Variants in ZMIZ1 observed in about 807,000 individuals in gnomAD.
ZMIZ1 encodes the protein zinc finger MIZ-type containing 1, also known as zinc finger MIZ domain-containing protein 1.
A neutral mutation model predicts 113.9 loss-of-function variants in ZMIZ1; 17 were observed. That is an observed-to-expected ratio of 0.15 (90% CI 0.10 to 0.22). The LOEUF is 0.22. ZMIZ1 is among the 10% of genes least tolerant of loss of function. ZMIZ1 has a pLI of 1.00. For missense variants in ZMIZ1, 1,059 were observed against 1,477.8 expected (o/e 0.72, Z 4.65); for synonymous variants, 607 against 603.1 (o/e 1.01, Z -0.09).
At chr10:79,126,498 C>A (rs1344775018) in intron 2 of ZMIZ1, among the ~76,000 whole-genome samples, 4 of 152,100 alleles carry the variant, frequency 2.6e-5, no homozygotes, top group Non-Finnish European at 5.9e-5. Flanking sequence ...AGACTGTGAA[C>A]CAAACTGAAA....
intron 3 of ZMIZ1, among the ~76,000 whole-genome samples, chr10:79,144,865 C>T (rs1265292954): frequency 1.3e-5 from 2 of 151,776 alleles, no homozygotes; most frequent in Admixed American, 6.6e-5. Context: ...GCTTGCTTTC[C>T]GTCTGCCTCT....
chr10:79,258,059 G>A (rs1368551075), intron 7 of ZMIZ1, among the ~76,000 whole-genome samples: 1 of 152,206 alleles, frequency 6.6e-6, no homozygotes, highest in Non-Finnish European at 1.5e-5. Context: ...GTATCCCCAT[G>A]TGCTAATTGG....
chr10:79,149,815 C>T (rs1845640211), intron 3 of ZMIZ1, among the ~76,000 whole-genome samples: 1 of 152,260 alleles, frequency 6.6e-6, no homozygotes, highest in Admixed American at 6.5e-5. Flanking sequence ...ACACTGCTGT[C>T]TGCTGACTTG....
intron 7 of ZMIZ1, among the ~76,000 whole-genome samples, chr10:79,232,595 A>G (rs1411069906): frequency 1.3e-5 from 2 of 152,084 alleles, no homozygotes; most frequent in Non-Finnish European, 2.9e-5. Context: ...AGCATCCCTC[A>G]TCGTACCAGG....
chr10:79,097,543 GATA>G (rs961865228), intron 1 of ZMIZ1, among the ~76,000 whole-genome samples: 2 of 152,184 alleles, frequency 1.3e-5, no homozygotes, highest in African/African-American at 2.4e-5. Context: ...ACGAACTCGA[GATA>G]ATAATAAAAT....
At chr10:79,229,588 G>A (rs1849316011) in intron 7 of ZMIZ1, among the ~76,000 whole-genome samples, 1 of 152,130 alleles carries the variant, frequency 6.6e-6, no homozygotes, top group African/African-American at 2.4e-5. Context: ...CTTTCAAACA[G>A]GCACATAATT....
rs1589416493 is a variant in ZMIZ1 at position 79,201,530 on chromosome 10, C to T, written c.-49-54C>T. ...GCCAGAGGGCAGTTGGGAGGCTGCTCAAGGTTGGCAGGCCTGGCGTGATCC... is the reference window on the plus strand; with the variant it reads ...GCCAGAGGGCAGTTGGGAGGCTGCTTAAGGTTGGCAGGCCTGGCGTGATCC... On this transcript the variant is annotated intron_variant, in intron 4 of 24. Transcript: ENST00000334512. 7.3e-6 allele frequency: 10 copies of T among 1,370,438 alleles called. No homozygotes were observed. In the East Asian group the frequency reaches 9.4e-5, roughly 13 times the overall value. The allele number at this position is 1,370,438 out of a possible 1,614,324, so 84.9% of individuals were successfully genotyped here.
chr10:79,303,992 T>C (rs754523624), intron 18 of ZMIZ1, 23 bp from the exon 19 acceptor site: 1 of 1,613,156 alleles, frequency 6.2e-7, no homozygotes, highest in Admixed American at 1.7e-5. Flanking sequence ...CATCCTCACC[T>C]GTCTGTGCCT....
intron 12 of ZMIZ1, chr10:79,295,259 C>T (rs752144742): frequency 1.3e-5 from 2 of 152,272 alleles, no homozygotes; most frequent in Non-Finnish European, 2.9e-5. Flanking sequence ...GGTGTCACCC[C>T]TGCACCTGCA....
At chr10:79,183,873 C>G (rs1847237663) in intron 4 of ZMIZ1, among the ~76,000 whole-genome samples, 1 of 152,168 alleles carries the variant, frequency 6.6e-6, no homozygotes, top group Non-Finnish European at 1.5e-5. Flanking sequence ...TGGGGTCAGA[C>G]CAGGGCTGGA....
intron 1 of ZMIZ1, among the ~76,000 whole-genome samples, chr10:79,100,889 C>G (rs1032344010): frequency 3.9e-5 from 6 of 152,292 alleles, no homozygotes; most frequent in African/African-American, 1.4e-4. Flanking sequence ...CACAGCATCC[C>G]TGGGTGCCTG....
rs999611393 is a variant in ZMIZ1 at position 79,223,216 on chromosome 10, G to A, written c.280+6942G>A. Among the ~76,000 whole-genome samples the A allele has an allele frequency of 5.9e-5, 9 of 152,376 alleles. No individual in the cohort carries two copies. In the South Asian group the frequency reaches 1.2e-3, roughly 21 times the overall value. ...AAGACAAAGCTGTGCGCAGCTCTGC[G>A]TGAAAAACAGCTCGCGGCCGCCCAG... On this transcript the variant is annotated intron_variant, in intron 7 of 24. Coordinates refer to ENST00000334512, the MANE Select transcript of ZMIZ1 (RefSeq NM_020338.4).
chr10:79,289,637 G>A (rs1853329540), intron 8 of ZMIZ1, 138 bp from the exon 9 acceptor site: 1 of 706,698 alleles, frequency 1.4e-6, no homozygotes, highest in South Asian at 1.8e-5. Flanking sequence ...GACAGGCCTG[G>A]GGGGTCCAGT....
intron 7 of ZMIZ1, among the ~76,000 whole-genome samples, chr10:79,250,264 C>T (rs1409680350): frequency 6.6e-6 from 1 of 152,234 alleles, no homozygotes; most frequent in African/African-American, 2.4e-5. Flanking sequence ...GTTTTCTCAT[C>T]TGTACAGTAC....
At chr10:79,133,292 G>T (rs1026448128) in intron 2 of ZMIZ1, among the ~76,000 whole-genome samples, 8 of 152,156 alleles carry the variant, frequency 5.3e-5, no homozygotes, top group African/African-American at 1.9e-4. Flanking sequence ...GCTTCCTCTG[G>T]GTTCCTGCCT....
intron 2 of ZMIZ1, among the ~76,000 whole-genome samples, chr10:79,132,818 C>G (rs1844829886): frequency 1.3e-5 from 2 of 152,122 alleles, no homozygotes; most frequent in African/African-American, 4.8e-5. Flanking sequence ...GGGCCCCTCA[C>G]CCCTGAGTTC....
chr10:79,210,066 C>T (rs1848474878), intron 6 of ZMIZ1, among the ~76,000 whole-genome samples: 1 of 152,242 alleles, frequency 6.6e-6, no homozygotes, highest in Non-Finnish European at 1.5e-5. Context: ...CCCCCCCAGC[C>T]CCCTAATCCT....
intron 4 of ZMIZ1, among the ~76,000 whole-genome samples, chr10:79,180,808 G>C (rs703986): frequency 0.69 from 104,756 of 152,150 alleles, 36,547 homozygotes; most frequent in East Asian, 0.86. Flanking sequence ...AGTGCTGACC[G>C]CAACTCCATT....
intron 1 of ZMIZ1, among the ~76,000 whole-genome samples, chr10:79,117,791 G>A (rs980788637): frequency 6.6e-6 from 1 of 152,204 alleles, no homozygotes; most frequent in Non-Finnish European, 1.5e-5. Context: ...GCATCTTGTG[G>A]ACACTGGAAG....
Sources: allele counts gnomAD v4.1 joint callset (sites outside exome capture counted in the v4.1 genomes callset), GRCh38; gene constraint gnomAD v4.1.1; transcripts MANE v1.5; gene names NCBI Gene and HGNC (gene_info 2026-07-23, HGNC 2026-07-21).